EPDR1: variants seen among roughly 807,000 people sequenced by gnomAD.
EPDR1 encodes mammalian ependymin-related protein 1.
Under a neutral mutation model 23.7 loss-of-function variants are expected in EPDR1, and 27 were observed. The observed-to-expected ratio is 1.14, with a 90% CI of 0.84 to 1.57. EPDR1 has a LOEUF of 1.57. EPDR1 is among the 40% of genes most tolerant of loss of function. The pLI is 0.00. For missense variants in EPDR1, 349 were observed against 290.4 expected (o/e 1.20, Z -1.47); for synonymous variants, 137 against 118.2 (o/e 1.16, Z -1.03).
intron 1 of EPDR1, among the ~76,000 whole-genome samples, chr7:37,921,793 G>C (rs1785711053): frequency 6.6e-6 from 1 of 152,086 alleles, no homozygotes; most frequent in Non-Finnish European, 1.5e-5. Context: ...TTATTTTAAA[G>C]CAAATTTTAC....
In EPDR1 at chr7:37,951,146, T is replaced by A. The variant is rs1033901204; in HGVS notation, c.*750T>A. ...TTCTATGCAAGAGTATTGATGTATG[T>A]GCTGAATCTTCACAGACTTGTCAAT... On this transcript the variant is annotated 3_prime_UTR_variant, in exon 3 of 3. Coordinates refer to ENST00000199448, the MANE Select transcript of EPDR1 (RefSeq NM_017549.5). 2.6e-5 allele frequency: 4 copies of A among 152,340 alleles called. No individual in the cohort carries two copies. The East Asian group carries it at 7.7e-4, about 29-fold the overall frequency. 9.4% of individuals were successfully genotyped at this position (152,340 alleles called of 1,614,324 possible).
At chr7:37,933,011 A>G (rs1322707931) in intron 1 of EPDR1, among the ~76,000 whole-genome samples, 1 of 152,212 alleles carries the variant, frequency 6.6e-6, no homozygotes, top group African/African-American at 2.4e-5. Context: ...GCTTTTCCTC[A>G]GGCTGCATTC....
intron 1 of EPDR1, among the ~76,000 whole-genome samples, chr7:37,941,881 G>T (rs1284482531): frequency 6.6e-6 from 1 of 152,092 alleles, no homozygotes; most frequent in Admixed American, 6.5e-5. Flanking sequence ...TTGTTTTAAG[G>T]AAGTATTTAG....
chr7:37,920,905 T>C lies in EPDR1; in HGVS notation c.-35T>C. 1 of 1,611,352 alleles carries C rather than the reference T, an allele frequency of 6.2e-7. No individual in the cohort carries two copies. Among genetic ancestry groups the C allele is most frequent in the Admixed American group, 1.7e-5 (1 of 59,946 alleles). ...GGACGCCTCAGCGCCCCCTTGGGCT[T>C]GGGCTTGCCCTCGGGCCGGGGAAGG... On this transcript the variant is annotated 5_prime_UTR_variant, in exon 1 of 3. Transcript: ENST00000199448.
chr7:37,924,381 G>T (rs939339955), intron 1 of EPDR1, among the ~76,000 whole-genome samples: 8 of 152,174 alleles, frequency 5.3e-5, no homozygotes, highest in Non-Finnish European at 1.0e-4. Flanking sequence ...GAGATGACTT[G>T]GTGGTGGTTC....
intron 1 of EPDR1, among the ~76,000 whole-genome samples, chr7:37,935,244 T>G (rs1022744247): frequency 6.6e-6 from 1 of 152,158 alleles, no homozygotes; most frequent in African/African-American, 2.4e-5. Context: ...GGGGTACAAA[T>G]GCCTGCTGGG....
At chr7:37,929,690 T>A (rs376495602) in intron 1 of EPDR1, among the ~76,000 whole-genome samples, 2 of 152,314 alleles carry the variant, frequency 1.3e-5, no homozygotes, top group South Asian at 2.1e-4. Context: ...TCTTTTCTGT[T>A]AAGAATGATT....
rs948792847 is a variant in EPDR1, at chr7:37,951,932, C to G, written c.*1536C>G. Reference sequence around the variant, plus strand: ...TAATAAATAAAGTGCTTCATGTGATCAAAATCAAATTTGTTATCCTCTCTC... The same window carrying G: ...TAATAAATAAAGTGCTTCATGTGATGAAAATCAAATTTGTTATCCTCTCTC... On this transcript the variant is annotated 3_prime_UTR_variant, in exon 3 of 3. Coordinates refer to ENST00000199448, the MANE Select transcript of EPDR1 (RefSeq NM_017549.5). 1 of 152,128 alleles carries G rather than the reference C, an allele frequency of 6.6e-6. No homozygotes were observed. Among genetic ancestry groups the G allele is most frequent in the Non-Finnish European group, 1.5e-5 (1 of 68,018 alleles). 9.4% of individuals were successfully genotyped at this position (152,128 alleles called of 1,614,324 possible).
intron 1 of EPDR1, among the ~76,000 whole-genome samples, chr7:37,941,240 G>T (rs1288814636): frequency 6.6e-6 from 1 of 152,218 alleles, no homozygotes; most frequent in Non-Finnish European, 1.5e-5. Flanking sequence ...AACTCCCAGT[G>T]AAATAATTGA....
In EPDR1 at chr7:37,920,943, C is replaced by T; in HGVS notation, c.4C>T (p.Pro2Ser). 1 of 1,605,390 alleles carries T rather than the reference C, an allele frequency of 6.2e-7. No individual in the cohort carries two copies. M[P>S]GRAPLRTVPG... ...GGGCCGGGGAAGGCTGACCGCGATG[C>T]CAGGACGCGCTCCCCTCCGCACCGT... is the stretch of plus-strand genomic sequence containing the variant. The change falls in exon 1 of 3, where the codon CCA becomes TCA. Residue 2 changes from proline to serine, a missense_variant. Transcript: ENST00000199448.
At chr7:37,922,935 G>T (rs1409176185) in intron 1 of EPDR1, among the ~76,000 whole-genome samples, 2 of 152,220 alleles carry the variant, frequency 1.3e-5, no homozygotes, top group African/African-American at 4.8e-5. Flanking sequence ...CAAAACACCT[G>T]TACAGGTTTT....
At chr7:37,921,533 G>A (rs1399593315) in intron 1 of EPDR1, 2 of 1,290,712 alleles carry the variant, frequency 1.5e-6, no homozygotes, top group Non-Finnish European at 2.0e-6. Context: ...ACGCTGCTGA[G>A]TCAGGCTCTG....
intron 1 of EPDR1, 25 bp downstream of exon 1, chr7:37,921,233 G>C (rs13240429): frequency 6.4e-7 from 1 of 1,564,100 alleles, no homozygotes; most frequent in African/African-American, 1.4e-5. Context: ...CCCGCGGGGC[G>C]GGAGTAGGGA....
chr7:37,921,976 C>T (rs1404948896), intron 1 of EPDR1, among the ~76,000 whole-genome samples: 1 of 152,126 alleles, frequency 6.6e-6, no homozygotes, highest in Admixed American at 6.5e-5. Context: ...GACCATTCAC[C>T]TTTTCACATC....
Position 37,924,760 on chromosome 7 carries a change from T to C in EPDR1, c.269+3552T>C, listed in dbSNP as rs369931781. Among the ~76,000 whole-genome samples, 12 of 152,376 alleles carry C rather than the reference T, an allele frequency of 7.9e-5. 1 individual carries two copies. Among genetic ancestry groups the C allele is most frequent in the East Asian group, 5.8e-4 (3 of 5,190 alleles). On this transcript the variant is annotated intron_variant, in intron 1 of 2. Coordinates refer to ENST00000199448, the MANE Select transcript of EPDR1 (RefSeq NM_017549.5). ...GAATGTTTAATGCATAAACACATTT[T>C]TAAGCTCTTTAAGTGTAGATTTGTT...
rs116696488 is a variant in EPDR1, at chr7:37,935,228, G to A, written c.270-13612G>A. ...ACCTCTATATTGAGAGACAGACAAG[G>A]GAGAAGGGGTACAAATGCCTGCTGG... On this transcript the variant is annotated intron_variant, in intron 1 of 2. Transcript: ENST00000199448. Among the ~76,000 whole-genome samples, 958 of 152,252 alleles carry A rather than the reference G, an allele frequency of 6.3e-3. 11 individuals are homozygous for A. The highest frequency in any genetic ancestry group is 0.022 in the African/African-American group (920 of 41,538).
intron 2 of EPDR1, among the ~76,000 whole-genome samples, 177 bp downstream of exon 2, chr7:37,949,225 A>C (rs751278774): frequency 6.6e-6 from 1 of 152,220 alleles, no homozygotes; most frequent in African/African-American, 2.4e-5. Flanking sequence ...TCTAAGCTTC[A>C]TATTTGAAAC....
intron 1 of EPDR1, among the ~76,000 whole-genome samples, chr7:37,927,281 A>G (rs368074140): frequency 2.6e-5 from 4 of 152,194 alleles, no homozygotes; most frequent in African/African-American, 9.7e-5. Context: ...ATACACATTT[A>G]CATCTATATT....
In EPDR1 at chr7:37,923,092, C is replaced by T. The variant is rs549813779; in HGVS notation, c.269+1884C>T. 7.9e-5 allele frequency among the ~76,000 whole-genome samples: 12 copies of T among 152,184 alleles called. No homozygotes were observed. The South Asian group carries it at 1.0e-3, about 13-fold the overall frequency. ...ATTAGGGCTGAAGCCCAGGACATGG[C>T]GAAGGGTCATACTGAGGAGTTTTAA... On this transcript the variant is annotated intron_variant, in intron 1 of 2. Transcript: ENST00000199448.
Sources: allele counts gnomAD v4.1 joint callset (sites outside exome capture counted in the v4.1 genomes callset), GRCh38; gene constraint gnomAD v4.1.1; transcripts MANE v1.5; gene names NCBI Gene and HGNC (gene_info 2026-07-23, HGNC 2026-07-21).